The following ELP6 variants were observed in gnomAD, a reference collection of about 807,000 sequenced individuals.
ELP6 encodes the protein elongator acetyltransferase complex subunit 6, also known as elongator complex protein 6.
Under a neutral mutation model 28.1 loss-of-function variants are expected in ELP6, and 23 were observed. The observed-to-expected ratio is 0.82, with a 90% CI of 0.59 to 1.16. The LOEUF (loss-of-function observed/expected upper bound fraction) is 1.16. ELP6 is among the 50% of genes most tolerant of loss of function. The pLI is 0.00. For synonymous variants in ELP6, 132 were observed against 135.8 expected (o/e 0.97, Z 0.19); for missense variants, 313 against 334.6 (o/e 0.94, Z 0.50).
chr3:47,500,101 A>G, intron 5 of ELP6: 1 of 1,206,656 alleles, frequency 8.3e-7, no homozygotes, highest in Non-Finnish European at 1.1e-6. Context: ...GAAAGGAGGG[A>G]CTGGCATCTG....
At chr3:47,497,087 C>T in intron 6 of ELP6, 1 of 977,774 alleles carries the variant, frequency 1.0e-6, no homozygotes, top group Non-Finnish European at 1.2e-6. Flanking sequence ...AGACTCCTAG[C>T]CACTCTTATT....
chr3:47,511,472 A>G (rs1709015763), intron 1 of ELP6: 1 of 1,306,220 alleles, frequency 7.7e-7, no homozygotes, highest in South Asian at 1.8e-5. Context: ...ACCTCCTCAA[A>G]GCAAACAGAG....
chr3:47,505,662 C>G (rs1708812024), intron 3 of ELP6, among the ~76,000 whole-genome samples: 1 of 152,174 alleles, frequency 6.6e-6, no homozygotes, highest in South Asian at 2.1e-4. Context: ...ACCTCCGCCT[C>G]CTGGGTTCAA....
chr3:47,507,361 CA>C (rs11314928), intron 3 of ELP6, among the ~76,000 whole-genome samples: 94,042 of 106,924 alleles, frequency 0.88, 41,096 homozygotes, highest in South Asian at 0.95. Flanking sequence ...AACTCTGTCT[CA>C]AAAAAAAAAA....
intron 5 of ELP6, chr3:47,499,749 C>G (rs1425972897): frequency 9.8e-7 from 1 of 1,017,980 alleles, no homozygotes; most frequent in Admixed American, 5.8e-5. Context: ...ATAAGTGGCT[C>G]CTGTAGGGGT....
chr3:47,510,036 A>G, intron 3 of ELP6, 148 bp downstream of exon 3: 1 of 622,556 alleles, frequency 1.6e-6, no homozygotes, highest in Non-Finnish European at 2.8e-6. Context: ...CTGGGATTAC[A>G]GGCGTGAGCC....
In ELP6 at chr3:47,495,915, G is replaced by T; in HGVS notation, c.*154C>A. ...ACAGGGCCCAGGGCAGCCAAGGCAT[G>T]CCATCACTGCAGCACTCAACCCTCT... On this transcript the variant is annotated 3_prime_UTR_variant, in exon 7 of 7. Coordinates refer to ENST00000296149, the MANE Select transcript of ELP6 (RefSeq NM_001031703.3). 1.5e-6 allele frequency: 2 copies of T among 1,313,772 alleles called. No homozygotes were observed. Among genetic ancestry groups the T allele is most frequent in the Non-Finnish European group, 2.1e-6 (2 of 968,100 alleles). 81.4% of individuals were successfully genotyped at this position (1,313,772 alleles called of 1,614,324 possible). A position where few individuals can be genotyped will look rare whatever the true frequency, so the allele number is the denominator to read the frequency against.
At chr3:47,508,268 G>A (rs908172327) in intron 3 of ELP6, among the ~76,000 whole-genome samples, 4 of 152,100 alleles carry the variant, frequency 2.6e-5, no homozygotes, top group African/African-American at 4.8e-5. Context: ...TATTGAGATG[G>A]AGTCTTGCTC....
chr3:47,504,447 C>A lies in ELP6; in HGVS notation c.206G>T (p.Gly69Val), dbSNP rs1416805866. Residue 69 changes from glycine (G) to valine (V), a missense_variant and splice_region_variant, in exon 4 of 7, where the codon GGT becomes GTT. Physicochemically the swap from Gly to Val is moderately radical, Grantham distance 109. Transcript: ENST00000296149. ...CTCCCGCGCCATGGTCAGGCTGACA[C>A]CCTAAACATGAAAAAGAGAGTGAGT... ...SHYSIVGQKL[G>V]VSLTMARERG... The A allele has an allele frequency of 6.3e-7, 1 of 1,598,686 alleles. No homozygotes were observed. The highest frequency in any genetic ancestry group is 1.7e-5 in the Admixed American group (1 of 58,064).
Position 47,495,925 on chromosome 3 carries a change from C to T in ELP6, c.*144G>A. ...GGGCAGCCAAGGCATGCCATCACTG[C>T]AGCACTCAACCCTCTGGTCACAGTG... On this transcript the variant is annotated 3_prime_UTR_variant, in exon 7 of 7. Coordinates refer to ENST00000296149, the MANE Select transcript of ELP6 (RefSeq NM_001031703.3). 1 of 1,415,416 alleles carries T rather than the reference C, an allele frequency of 7.1e-7. No homozygotes were observed. Among genetic ancestry groups the T allele is most frequent in the Non-Finnish European group, 9.6e-7 (1 of 1,044,598 alleles). 87.7% of individuals were successfully genotyped at this position (1,415,416 alleles called of 1,614,324 possible).
Position 47,504,430 on chromosome 3 carries a change from C to A in ELP6, c.223G>T (p.Ala75Ser). ...GQKLGVSLTMARERGQLVFLE... is the reference protein window; with the variant it reads ...GQKLGVSLTMSRERGQLVFLE... ...AACACAAGCTGCCCACGCTCCCGCGCCATGGTCAGGCTGACACCCTAAACA... is the reference window on the plus strand; with the variant it reads ...AACACAAGCTGCCCACGCTCCCGCGACATGGTCAGGCTGACACCCTAAACA... Residue 75 changes from alanine to serine, a missense_variant, in exon 4 of 7, where the codon GCG becomes TCG. Transcript: ENST00000296149. The A allele has an allele frequency of 1.2e-6, 2 of 1,608,646 alleles. No homozygotes were observed. Among genetic ancestry groups the A allele is most frequent in the Admixed American group, 1.7e-5 (1 of 59,500 alleles).
At chr3:47,507,700 T>A (rs1347799234) in intron 3 of ELP6, among the ~76,000 whole-genome samples, 1 of 150,360 alleles carries the variant, frequency 6.7e-6, no homozygotes, top group Non-Finnish European at 1.5e-5. Context: ...CTACATCAGG[T>A]CTCAATTGCT....
At chr3:47,509,825 G>A (rs540302935) in intron 3 of ELP6, 30 of 162,338 alleles carry the variant, frequency 1.8e-4, no homozygotes, top group Admixed American at 5.1e-4. Context: ...GCTGGAGTGC[G>A]ATCTCAGCTC....
intron 6 of ELP6, 149 bp downstream of exon 6, chr3:47,498,137 T>A: frequency 7.3e-7 from 1 of 1,371,938 alleles, no homozygotes; most frequent in Non-Finnish European, 9.9e-7. Context: ...AGCAGGTCTA[T>A]TACCTGAAGT....
intron 2 of ELP6, 67 bp downstream of exon 2, chr3:47,511,081 G>T: frequency 7.3e-7 from 1 of 1,364,156 alleles, no homozygotes; most frequent in Non-Finnish European, 1.0e-6. Flanking sequence ...TCCTTAAATA[G>T]TTTTGGTTTT....
At chr3:47,501,408 C>T (rs1207591744) in intron 5 of ELP6, 14 of 530,654 alleles carry the variant, frequency 2.6e-5, no homozygotes, top group East Asian at 2.0e-4. Flanking sequence ...GGGACTGCAG[C>T]GGTGCCACAC....
At chr3:47,496,237 C>T in intron 6 of ELP6, 40 bp from the exon 7 acceptor site, 1 of 1,605,698 alleles carries the variant, frequency 6.2e-7, no homozygotes, top group Non-Finnish European at 8.5e-7. Flanking sequence ...GCAGCCACCC[C>T]AGGACCTGCT....
chr3:47,498,518 C>G, intron 5 of ELP6, 86 bp from the exon 6 acceptor site: 1 of 1,561,520 alleles, frequency 6.4e-7, no homozygotes, highest in Non-Finnish European at 8.6e-7. Context: ...TGCCTCCACT[C>G]CCCTGTACAT....
chr3:47,502,418 A>G (rs1708693696), intron 4 of ELP6: 1 of 112,106 alleles, frequency 8.9e-6, no homozygotes, highest in African/African-American at 4.4e-5. Flanking sequence ...TCTGTCTCAA[A>G]AAAAAAAAAA....
Sources: gnomAD v4.1 joint callset for allele counts (sites outside exome capture counted in the v4.1 genomes callset) on GRCh38, gnomAD v4.1.1 for gene constraint, MANE v1.5 for transcripts, NCBI Gene and HGNC (gene_info 2026-07-23, HGNC 2026-07-21) for gene names.